Variants in PLEC observed in about 807,000 individuals in gnomAD.
The protein encoded by PLEC is plectin.
In PLEC, 216 loss-of-function variants were observed where a neutral mutation model predicts 392.8. The ratio of observed to expected loss-of-function variants is 0.55; its 90% confidence interval spans 0.49 to 0.62. The LOEUF (loss-of-function observed/expected upper bound fraction) is 0.62. Ranked by LOEUF, PLEC falls within the 20% of genes least tolerant of loss-of-function variation. The pLI is 0.00. For synonymous variants in PLEC, 3,621 were observed against 2,980.6 expected (o/e 1.21, Z -7.00); for missense variants, 6,863 against 6,563.4 (o/e 1.05, Z -1.58).
Position 143,920,424 on chromosome 8 carries a change from G to C in PLEC, c.9397C>G (p.Leu3133Val), listed in dbSNP as rs781822241. The change falls in exon 32 of 32, where the codon CTG (leucine) becomes GTG (valine). Residue 3133 changes from leucine (L) to valine (V), a missense_variant. Coordinates refer to ENST00000345136, the MANE Select transcript of PLEC (RefSeq NM_201384.3). ...CCCGTGGACAGCTGGGCGTCCAACAGGCGCAGGCCCTGCTCCCGGGGAATG... is the reference window on the plus strand; with the variant it reads ...CCCGTGGACAGCTGGGCGTCCAACACGCGCAGGCCCTGCTCCCGGGGAATG... ...GLIPREQGLR[L>V]LDAQLSTGGI... 7.5e-6 allele frequency: 12 copies of C among 1,596,418 alleles called. No individual in the cohort carries two copies. The South Asian group carries it at 1.3e-4, about 18-fold the overall frequency.
At chr8:143,950,796 C>G in exon 1 of PLEC, 1 of 1,522,906 alleles carries the variant, frequency 6.6e-7, no homozygotes, top group East Asian at 2.5e-5. Flanking sequence ...AGCTCCCGCG[C>G]TACAGGGTGT....
At chr8:143,939,255 C>G (rs188436217) in intron 1 of PLEC, 95 bp downstream of exon 1, 2 of 1,497,002 alleles carry the variant, frequency 1.3e-6, no homozygotes, top group African/African-American at 1.4e-5. Context: ...ACCAGCCCCC[C>G]AGCGGTGCCA....
chr8:143,974,386 TC>T (rs1833583547), upstream of PLEC, among the ~76,000 whole-genome samples: 2 of 152,232 alleles, frequency 1.3e-5, no homozygotes, highest in Non-Finnish European at 2.9e-5. This position sits in a 1 kb window ranked among gnomAD's most constrained non-coding sequence, Gnocchi z 5.9. Context: ...GTGACTTCTT[TC>T]TTTAAAGTCC....
At position 143,920,278 on chromosome 8, in the gene PLEC, G is replaced by A. The variant is rs1822120768; in HGVS notation, c.9543C>T (p.Tyr3181=). The stretch of plus-strand genomic sequence containing the variant: ...CCGGCTCCCCTGTGCTGGGGTCACT[G>A]TAGGCCTTGGCGTCGGCCCTTGGTG... ...LSAPRADAKA[Y]SDPSTGEPAT... is the part of the protein sequence containing the mutation. Residue 3181 remains tyrosine, a synonymous_variant, in exon 32 of 32, where the codon TAC becomes TAT. Coordinates refer to ENST00000345136, the MANE Select transcript of PLEC (RefSeq NM_201384.3). 2.5e-6 allele frequency: 4 copies of A among 1,594,738 alleles called. No homozygotes were observed. The highest frequency in any genetic ancestry group is 2.3e-5 in the East Asian group (1 of 44,442).
chr8:143,919,466 T>G lies in PLEC; in HGVS notation c.10355A>C (p.Gln3452Pro). 1 of 1,613,264 alleles carries G rather than the reference T, an allele frequency of 6.2e-7. No homozygotes were observed. The highest frequency in any genetic ancestry group is 8.5e-7 in the Non-Finnish European group (1 of 1,179,862). The change falls in exon 32 of 32, where the codon CAG (glutamine) becomes CCG (proline). Residue 3452 changes from glutamine (Q) to proline (P), a missense_variant. Coordinates refer to ENST00000345136, the MANE Select transcript of PLEC (RefSeq NM_201384.3). ...GTGCTGCCGGAGAACCAGGCCCTTC[T>G]GCATGGCCTGGAAGAGGGAGATGGT... is the stretch of plus-strand genomic sequence containing the variant. ...GSTISLFQAM[Q>P]KGLVLRQHGI...
In PLEC at chr8:143,923,707, G is replaced by A. The variant is rs370347438; in HGVS notation, c.6222C>T (p.Ser2074=). 8.0e-5 allele frequency: 124 copies of A among 1,545,050 alleles called. 1 individual carries two copies. In the Middle Eastern group the frequency reaches 1.5e-3, roughly 19 times the overall value. The change falls in exon 31 of 32, where the codon AGC becomes AGT. Residue 2074 remains serine, a synonymous_variant. Coordinates refer to ENST00000345136, the MANE Select transcript of PLEC (RefSeq NM_201384.3). The part of the protein sequence containing the change: ...ELQQTLQQEQ[S]VLDQLRGEAE... ...CCTCGCCGCGCAGCTGGTCCAGCACGCTCTGCTCCTGCTGCAGCGTCTGCT... is the reference window on the plus strand; with the variant it reads ...CCTCGCCGCGCAGCTGGTCCAGCACACTCTGCTCCTGCTGCAGCGTCTGCT...
upstream of PLEC, chr8:143,943,942 G>A (rs1401718657): frequency 1.3e-6 from 2 of 1,589,176 alleles, no homozygotes; most frequent in Non-Finnish European, 1.7e-6. Context: ...GGAACCGGCT[G>A]CTCCAGGCTA....
At chr8:143,950,705 A>G in exon 1 of PLEC, 1 of 1,561,204 alleles carries the variant, frequency 6.4e-7, no homozygotes, top group Non-Finnish European at 8.6e-7. Flanking sequence ...GCCGGCCACC[A>G]TGGCTGCTGG....
Position 143,923,722 on chromosome 8 carries a change from CAGCGTCTGCTGT to C in PLEC, c.6195_6206del (p.Thr2068_Gln2071del), listed in dbSNP as rs1430323498. The C allele has an allele frequency of 6.5e-7, 1 of 1,544,264 alleles. No individual in the cohort carries two copies. The highest frequency in any genetic ancestry group is 1.4e-5 in the African/African-American group (1 of 73,436). ...GGTCCAGCACGCTCTGCTCCTGCTG[CAGCGTCTGCTGT>C]AGCTCCTGCTCCTTCTGCTGCACCG... On this transcript the variant is annotated inframe_deletion, in exon 31 of 32. Coordinates refer to ENST00000345136, the MANE Select transcript of PLEC (RefSeq NM_201384.3).
chr8:143,938,400 C>T, intron 2 of PLEC, 160 bp from the exon 3 acceptor site: 1 of 1,535,648 alleles, frequency 6.5e-7, no homozygotes, highest in Non-Finnish European at 8.7e-7. Context: ...GAGGCACCTA[C>T]CTCTGCCCGC....
Position 143,929,630 on chromosome 8 carries a change from C to A in PLEC, c.2923+16G>T, listed in dbSNP as rs782658868. 3 of 1,607,452 alleles carry A rather than the reference C, an allele frequency of 1.9e-6. No individual in the cohort carries two copies. In the South Asian group the frequency reaches 3.3e-5, roughly 18 times the overall value. On this transcript the variant is annotated intron_variant, in intron 23 of 31. Transcript: ENST00000345136. ...CCTCGCACCAGCCCAACCGCCCCAGCCCTGCCGTGCCCTACCCTGTTCCAG... is the reference window on the plus strand; with the variant it reads ...CCTCGCACCAGCCCAACCGCCCCAGACCTGCCGTGCCCTACCCTGTTCCAG...
rs782112014 is a variant in PLEC, at chr8:143,918,328, C to T, written c.11493G>A (p.Lys3831=). ...GCTCTGACAGCTGGTCGTGCGTGTC[C>T]TTGTTGAGGTAGCCACGCTGGTAAG... ...EVAYQRGYLN[K]DTHDQLSEPS... The change falls in exon 32 of 32, where the codon AAG becomes AAA. Residue 3831 remains lysine, a synonymous_variant. Coordinates refer to ENST00000345136, the MANE Select transcript of PLEC (RefSeq NM_201384.3). 6.3e-7 allele frequency: 1 copy of T among 1,587,378 alleles called. No homozygotes were observed. Among genetic ancestry groups the T allele is most frequent in the East Asian group, 2.3e-5 (1 of 44,324 alleles).
chr8:143,915,821 G>A lies in PLEC; in HGVS notation c.*356C>T, dbSNP rs894335994. 44 of 191,370 alleles carry A rather than the reference G, an allele frequency of 2.3e-4. No homozygotes were observed. Among genetic ancestry groups the A allele is most frequent in the Admixed American group, 5.6e-5 (1 of 17,738 alleles). The allele number at this position is 191,370 out of a possible 1,614,324, so 11.9% of individuals were successfully genotyped here. On this transcript the variant is annotated 3_prime_UTR_variant, in exon 32 of 32. Coordinates refer to ENST00000345136, the MANE Select transcript of PLEC (RefSeq NM_201384.3). ...AACACCAGGGCCCTCTACAGACAGG[G>A]TTGGGCCCAGCTGCCCTGTGCAGCT...
chr8:143,953,188 TC>T (rs1832373664), upstream of PLEC, among the ~76,000 whole-genome samples: 3 of 147,228 alleles, frequency 2.0e-5, no homozygotes, highest in South Asian at 6.6e-4. Context: ...CGGCCCCTTC[TC>T]CCCCCACTCC....
Position 143,922,539 on chromosome 8 carries a change from G to C in PLEC, c.7390C>G (p.Gln2464Glu). 6.2e-7 allele frequency: 1 copy of C among 1,612,430 alleles called. No homozygotes were observed. The highest frequency in any genetic ancestry group is 1.7e-5 in the Admixed American group (1 of 60,022). Reference sequence around the variant, plus strand: ...TTGAGCTGCAGCAGTTTGGCCTCCTGTTGGAGCTTCTCCTTCTCACGCTCC... The same window carrying C: ...TTGAGCTGCAGCAGTTTGGCCTCCTCTTGGAGCTTCTCCTTCTCACGCTCC... ...ELEREKEKLQ[Q>E]EAKLLQLKSE... is the part of the protein sequence containing the mutation. The change falls in exon 31 of 32, where the codon CAG (glutamine) becomes GAG (glutamate). Residue 2464 changes from glutamine (Q) to glutamate (E), a missense_variant. Physicochemically the swap from Gln to Glu is conservative, Grantham distance 29. Transcript: ENST00000345136.
upstream of PLEC, chr8:143,944,058 C>T: frequency 1.1e-6 from 1 of 948,714 alleles, no homozygotes; most frequent in South Asian, 1.7e-5. Flanking sequence ...CACAACAGCT[C>T]CCGCCCGCCT....
intron 1 of PLEC, among the ~76,000 whole-genome samples, chr8:143,949,015 C>G (rs1363477197): frequency 3.3e-5 from 5 of 152,204 alleles, no homozygotes; most frequent in Admixed American, 1.3e-4. Flanking sequence ...TGTCCAAAGC[C>G]GCAGAGAGAG....
chr8:143,973,576 C>CCCCCG (rs1229223110), upstream of PLEC: 17 of 996,602 alleles, frequency 1.7e-5, no homozygotes, highest in African/African-American at 7.0e-5. The surrounding 1 kb of genome is among the most constrained non-coding windows in gnomAD (Gnocchi z 5.6). Context: ...CCCCGCCCCG[C>CCCCCG]CCCCGCCCCG....
chr8:143,921,246 G>A lies in PLEC; in HGVS notation c.8575C>T (p.His2859Tyr). The stretch of plus-strand genomic sequence containing the variant: ...AGCTGCAGGTACGTGAGGTTCTCGT[G>A]CGTGTTGGGGTCAAAGAAGCCCTTG... ...DTKGFFDPNT[H>Y]ENLTYLQLLE... The change falls in exon 32 of 32, where the codon CAC becomes TAC. Residue 2859 changes from histidine (H) to tyrosine (Y), a missense_variant. Coordinates refer to ENST00000345136, the MANE Select transcript of PLEC (RefSeq NM_201384.3). The A allele has an allele frequency of 6.2e-7, 1 of 1,614,126 alleles. No individual in the cohort carries two copies. Among genetic ancestry groups the A allele is most frequent in the Non-Finnish European group, 8.5e-7 (1 of 1,180,048 alleles).
Sources: allele counts gnomAD v4.1 joint callset (sites outside exome capture counted in the v4.1 genomes callset), GRCh38; gene constraint gnomAD v4.1.1; non-coding constraint Gnocchi (gnomAD v3.1); transcripts MANE v1.5; gene names NCBI Gene and HGNC (gene_info 2026-07-23, HGNC 2026-07-21).